The following SUPT20H variants were observed in gnomAD, a reference collection of about 807,000 sequenced individuals.
SUPT20H encodes the protein SPT20 homolog, SAGA complex component, also known as transcription factor SPT20 homolog.
SUPT20H carries 82 observed loss-of-function variants against 122.8 expected under a neutral mutation model. The observed-to-expected ratio is 0.67, with a 90% CI of 0.56 to 0.80. The LOEUF is 0.80. SUPT20H is among the 30% of genes least tolerant of loss of function. The pLI, the probability that SUPT20H is intolerant of heterozygous loss-of-function variation, is 0.00. For missense variants in SUPT20H, 831 were observed against 921.6 expected, an observed-to-expected ratio of 0.90 and a Z score of 1.27; for synonymous variants, 291 against 313.0, an observed-to-expected ratio of 0.93 and a Z score of 0.74.
chr13:37,021,518 G>T lies in SUPT20H; in HGVS notation c.1746C>A (p.Ser582Arg), dbSNP rs758816969. Residue 582 changes from serine (S) to arginine (R), a missense_variant, in exon 21 of 26, where the codon AGC becomes AGA. Transcript: ENST00000350612. ...GAITPAGINL[S>R]GLLPSGGLLP... ...GCAGACCTCCTGAGGGTAGAAGGCC[G>T]CTCAGGTTTATTCCTGCAGGAGTTA... 6.2e-7 allele frequency: 1 copy of T among 1,613,744 alleles called. No individual in the cohort carries two copies. Among genetic ancestry groups the T allele is most frequent in the South Asian group, 1.1e-5 (1 of 91,052 alleles).
intron 5 of SUPT20H, 86 bp from the exon 6 acceptor site, chr13:37,045,459 ATTAACC>A: frequency 3.3e-6 from 5 of 1,515,524 alleles, no homozygotes; most frequent in Middle Eastern, 1.9e-4. Context: ...TCAGGCTTGA[ATTAACC>A]TTTTGGTGCT....
chr13:37,032,441 T>A (rs1418008089), intron 10 of SUPT20H, among the ~76,000 whole-genome samples: 1 of 152,140 alleles, frequency 6.6e-6, no homozygotes, highest in Non-Finnish European at 1.5e-5. Flanking sequence ...CTTAGATCCA[T>A]CAAAGAGATG....
chr13:37,028,491 A>C (rs1025069808), intron 13 of SUPT20H, among the ~76,000 whole-genome samples, 186 bp from the exon 14 acceptor site: 2 of 152,172 alleles, frequency 1.3e-5, no homozygotes, highest in African/African-American at 4.8e-5. Context: ...TTTTCCTAAA[A>C]ACTATATGGG....
intron 20 of SUPT20H, among the ~76,000 whole-genome samples, 178 bp downstream of exon 20, chr13:37,021,833 C>T (rs1286303965): frequency 6.6e-6 from 1 of 152,148 alleles, no homozygotes; most frequent in Non-Finnish European, 1.5e-5. Flanking sequence ...GTGCAGTTAA[C>T]AGATGTATTA....
intron 7 of SUPT20H, among the ~76,000 whole-genome samples, chr13:37,042,155 T>A (rs2065589525): frequency 6.6e-6 from 1 of 152,192 alleles, no homozygotes; most frequent in Admixed American, 6.5e-5. Context: ...CGATCATGTA[T>A]CTTAAAGAGA....
chr13:37,044,108 A>C lies in SUPT20H; in HGVS notation c.366T>G (p.Pro122=). 1 of 1,612,886 alleles carries C rather than the reference A, an allele frequency of 6.2e-7. No individual in the cohort carries two copies. The highest frequency in any genetic ancestry group is 8.5e-7 in the Non-Finnish European group (1 of 1,179,390). The change falls in exon 7 of 26, where the codon CCT becomes CCG. Residue 122 remains proline (P), a synonymous_variant. Coordinates refer to ENST00000350612, the MANE Select transcript of SUPT20H (RefSeq NM_001014286.3). ...LEYLDAEELP[P]ILVDLLEKSQ... ...ATTTTTCTAGGAGATCAACCAAAAT[A>C]GGAGGTAATTCTTCTGCATCCAAAT...
At chr13:37,026,290 T>C (rs2062257944) in intron 15 of SUPT20H, 54 bp from the exon 16 acceptor site, 1 of 1,257,758 alleles carries the variant, frequency 8.0e-7, no homozygotes, top group East Asian at 2.8e-5. Context: ...AGAGTTGTCT[T>C]AAGAAGGCTT....
intron 7 of SUPT20H, among the ~76,000 whole-genome samples, chr13:37,042,624 A>G (rs1012188229): frequency 6.6e-6 from 1 of 152,004 alleles, no homozygotes; most frequent in Non-Finnish European, 1.5e-5. Context: ...GAGGCCAATT[A>G]AGAAGAGAAC....
chr13:37,016,140 G>GTT (rs1463160754), intron 23 of SUPT20H, among the ~76,000 whole-genome samples: 5 of 152,050 alleles, frequency 3.3e-5, no homozygotes. Context: ...AGTTAAAATG[G>GTT]TAAGTTTTGG....
At chr13:37,010,862 AAAAG>A (rs2059488678) in intron 24 of SUPT20H, 1 of 465,512 alleles carries the variant, frequency 2.1e-6, no homozygotes, top group South Asian at 3.4e-5. Context: ...TCTGGACACA[AAAAG>A]AGAAGGGAGT....
At chr13:37,041,624 G>A (rs1215566081) in intron 7 of SUPT20H, among the ~76,000 whole-genome samples, 3 of 152,090 alleles carry the variant, frequency 2.0e-5, no homozygotes, top group Admixed American at 1.3e-4. Flanking sequence ...GTCACTCATA[G>A]TATGTTTTTC....
rs150439276 is a variant in SUPT20H, at chr13:37,037,074, A to G, written c.567+3331T>C. Among the ~76,000 whole-genome samples the G allele has an allele frequency of 3.4e-4, 52 of 151,948 alleles. No individual in the cohort carries two copies. The East Asian group carries it at 8.0e-3, about 23-fold the overall frequency. On this transcript the variant is annotated intron_variant, in intron 9 of 25. Transcript: ENST00000350612. The stretch of plus-strand genomic sequence containing the variant: ...TAGCTGGGCATGGTGGCATGCACCT[A>G]TAGTCCCAGCTACTCAGGAGGCCGA...
chr13:37,042,820 G>A (rs925405753), intron 7 of SUPT20H, among the ~76,000 whole-genome samples: 2 of 152,158 alleles, frequency 1.3e-5, no homozygotes, highest in Admixed American at 6.5e-5. Flanking sequence ...AGTAGTTGGA[G>A]AAGGATATGA....
intron 9 of SUPT20H, among the ~76,000 whole-genome samples, chr13:37,036,087 T>G (rs1046529646): frequency 6.6e-6 from 1 of 152,186 alleles, no homozygotes; most frequent in East Asian, 1.9e-4. Flanking sequence ...GCCATCTCAA[T>G]CTGTCAGATC....
intron 5 of SUPT20H, 27 bp downstream of exon 5, chr13:37,047,508 T>A (rs780235849): frequency 1.4e-5 from 20 of 1,419,218 alleles, no homozygotes; most frequent in Non-Finnish European, 1.8e-5. Context: ...TTTCAAAAGC[T>A]ACAACATAAT....
Position 37,040,405 on chromosome 13 carries a change from C to A in SUPT20H, c.567G>T (p.Gln189His). The change falls in exon 9 of 26, where the codon CAG (glutamine) becomes CAT (histidine). Residue 189 changes from glutamine (Q) to histidine (H), a missense_variant and splice_region_variant. Gln to His is a conservative substitution (Grantham distance 24). Coordinates refer to ENST00000350612, the MANE Select transcript of SUPT20H (RefSeq NM_001014286.3). ...GAGATTAAAAAACAAAACAACTAAC[C>A]TGGGTCCATTTGTGGTTATCACTTG... Reference protein sequence around the residue: ...SITSDNHKWTQEDKLLLESQL... With the variant: ...SITSDNHKWTHEDKLLLESQL... 6.4e-7 allele frequency: 1 copy of A among 1,563,534 alleles called. No individual in the cohort carries two copies. The highest frequency in any genetic ancestry group is 8.6e-7 in the Non-Finnish European group (1 of 1,163,814).
chr13:37,022,655 T>C lies in SUPT20H; in HGVS notation c.1592-575A>G, dbSNP rs1307781193. The C allele has an allele frequency of 9.8e-7, 1 of 1,019,838 alleles. No homozygotes were observed. The highest frequency in any genetic ancestry group is 5.5e-5 in the Admixed American group (1 of 18,256). The allele number at this position is 1,019,838 out of a possible 1,614,324, so 63.2% of individuals were successfully genotyped here. On this transcript the variant is annotated intron_variant, in intron 19 of 25. Coordinates refer to ENST00000350612, the MANE Select transcript of SUPT20H (RefSeq NM_001014286.3). The surrounding 1 kb of genome is among the most constrained non-coding windows in gnomAD (Gnocchi z 4.5). Reference sequence around the variant, plus strand: ...TTCAAAACGAATTCAAATTAATTTGTTATTTACGATTTCACTAATTCAAGA... The same window carrying C: ...TTCAAAACGAATTCAAATTAATTTGCTATTTACGATTTCACTAATTCAAGA...
chr13:37,054,145 A>G (rs537583314), intron 1 of SUPT20H, among the ~76,000 whole-genome samples: 2 of 152,294 alleles, frequency 1.3e-5, no homozygotes, highest in South Asian at 4.1e-4. Flanking sequence ...CAACCAAAAA[A>G]AGTCCAGGAC....
rs9594185 is a variant in SUPT20H, at chr13:37,009,675, A to G, written c.2337T>C (p.Phe779=). The part of the protein sequence containing the change: ...MKRGTPTTPK[F] ...GGAACAAAAAGTAATGCAAGACTCA[A>G]AATTTTGGAGTGGTTGGCGTGCCTC... is the stretch of plus-strand genomic sequence containing the variant. Residue 779 remains phenylalanine (F), a synonymous_variant, in exon 26 of 26, where the codon TTT becomes TTC. Transcript: ENST00000350612. 41,734 of 1,613,498 alleles carry G rather than the reference A, an allele frequency of 0.026. 669 individuals carry two copies. Among genetic ancestry groups the G allele is most frequent in the Middle Eastern group, 0.032 (191 of 6,062 alleles).
Sources: gnomAD v4.1 joint callset for allele counts (sites outside exome capture counted in the v4.1 genomes callset) on GRCh38, gnomAD v4.1.1 for gene constraint, Gnocchi (gnomAD v3.1) non-coding constraint, MANE v1.5 for transcripts, NCBI Gene and HGNC (gene_info 2026-07-23, HGNC 2026-07-21) for gene names.